The following SETD3 variants were observed in gnomAD, a reference collection of about 807,000 sequenced individuals.
SETD3 encodes the protein SET domain containing 3, actin N3(tau)-histidine methyltransferase.
SETD3 carries 19 observed loss-of-function variants against 63.0 expected under a neutral mutation model. That is an observed-to-expected ratio of 0.30 (90% CI 0.21 to 0.44). The LOEUF (loss-of-function observed/expected upper bound fraction) is 0.44. SETD3 is among the 20% of genes least tolerant of loss of function. SETD3 has a pLI of 1.00. For synonymous variants in SETD3, 286 were observed against 264.1 expected, an observed-to-expected ratio of 1.08 and a Z score of -0.80; for missense variants, 587 against 728.5, an observed-to-expected ratio of 0.81 and a Z score of 2.24.
intron 1 of SETD3, among the ~76,000 whole-genome samples, chr14:99,475,326 G>A (rs1483502589): frequency 6.6e-6 from 1 of 152,234 alleles, no homozygotes; most frequent in Non-Finnish European, 1.5e-5. Context: ...TACTTCACCT[G>A]ATCCAAGTCT....
chr14:99,407,470 C>T (rs1257004893), intron 8 of SETD3, among the ~76,000 whole-genome samples: 1 of 152,238 alleles, frequency 6.6e-6, no homozygotes, highest in African/African-American at 2.4e-5. Context: ...ACTCTTGGAA[C>T]CTAGTCTCAA....
Position 99,445,501 on chromosome 14 carries a change from C to T in SETD3, c.675+12778G>A, listed in dbSNP as rs146301490. The stretch of plus-strand genomic sequence containing the variant: ...GATGTCCTGGAGGGTCCTCTAACCC[C>T]TTCCTCCTTTTTGTGCTTTTATCAC... On this transcript the variant is annotated intron_variant, in intron 6 of 12. Coordinates refer to ENST00000331768, the MANE Select transcript of SETD3 (RefSeq NM_032233.3). Among the ~76,000 whole-genome samples, 3 of 152,220 alleles carry T rather than the reference C, an allele frequency of 2.0e-5. No homozygotes were observed. In the East Asian group the frequency reaches 5.8e-4, roughly 29 times the overall value.
intron 6 of SETD3, among the ~76,000 whole-genome samples, chr14:99,431,125 T>G (rs1482488859): frequency 6.6e-6 from 1 of 152,258 alleles, no homozygotes; most frequent in African/African-American, 2.4e-5. Flanking sequence ...CCTCTTCACC[T>G]AACCACCTCA....
chr14:99,459,844 T>A (rs902479358), intron 4 of SETD3, among the ~76,000 whole-genome samples: 7 of 152,216 alleles, frequency 4.6e-5, no homozygotes, highest in African/African-American at 1.7e-4. Flanking sequence ...AGGGCAGCTG[T>A]CTGCAAACCA....
intron 1 of SETD3, among the ~76,000 whole-genome samples, chr14:99,474,851 T>A (rs8010859): frequency 0.97 from 148,253 of 152,252 alleles, 72,284 homozygotes; most frequent in East Asian, 1. Context: ...AATAAATAAA[T>A]AAGCACAGTT....
At chr14:99,425,583 G>A (rs1482161026) in intron 6 of SETD3, among the ~76,000 whole-genome samples, 1 of 152,236 alleles carries the variant, frequency 6.6e-6, no homozygotes, top group Non-Finnish European at 1.5e-5. Flanking sequence ...TGCCATAATC[G>A]CTTTGTACAC....
chr14:99,427,944 T>C lies in SETD3; in HGVS notation c.676-14010A>G, dbSNP rs927275916. On this transcript the variant is annotated intron_variant, in intron 6 of 12. Transcript: ENST00000331768. Reference sequence around the variant, plus strand: ...CTAAAGATGGGCAGGATTTTCCATGTGGGAAGGGAGACATCCCAGACAGAG... The same window carrying C: ...CTAAAGATGGGCAGGATTTTCCATGCGGGAAGGGAGACATCCCAGACAGAG... 2.6e-5 allele frequency among the ~76,000 whole-genome samples: 4 copies of C among 152,072 alleles called. No individual in the cohort carries two copies. The East Asian group carries it at 7.7e-4, about 29-fold the overall frequency.
intron 8 of SETD3, among the ~76,000 whole-genome samples, chr14:99,408,998 C>T (rs999926864): frequency 1.8e-4 from 27 of 152,186 alleles, no homozygotes; most frequent in African/African-American, 3.9e-4. Flanking sequence ...TTACCACCTA[C>T]GCCCAGAAAT....
At chr14:99,446,166 G>T (rs1359360262) in intron 6 of SETD3, among the ~76,000 whole-genome samples, 2 of 152,158 alleles carry the variant, frequency 1.3e-5, no homozygotes, top group Non-Finnish European at 2.9e-5. Flanking sequence ...AATGGGGACG[G>T]TGCCCAGCTC....
chr14:99,438,030 A>T (rs998682529), intron 6 of SETD3, among the ~76,000 whole-genome samples: 1 of 152,240 alleles, frequency 6.6e-6, no homozygotes, highest in Admixed American at 6.5e-5. Context: ...AGCCGATGGC[A>T]GCATTTCTGT....
chr14:99,423,957 CTCTT>C (rs1385488236), intron 6 of SETD3, among the ~76,000 whole-genome samples: 4 of 151,452 alleles, frequency 2.6e-5, no homozygotes, highest in Non-Finnish European at 4.4e-5. Flanking sequence ...GGATTTCACT[CTCTT>C]TTTTTTTTTT....
chr14:99,481,735 T>C, upstream of SETD3: 1 of 368,300 alleles, frequency 2.7e-6, no homozygotes, highest in Non-Finnish European at 4.8e-6. Flanking sequence ...GCCCTCGCAC[T>C]GGGGGGCAGT....
rs749466269 is a variant in SETD3, at chr14:99,461,300, A to G, written c.237T>C (p.Phe79=). The change falls in exon 4 of 13, where the codon TTT becomes TTC. Residue 79 remains phenylalanine (F), a synonymous_variant. Coordinates refer to ENST00000331768, the MANE Select transcript of SETD3 (RefSeq NM_032233.3). ...VTFDGKREDY[F]PDLMKWASEN... is the part of the protein sequence containing the mutation. ...CAGAGGCCCATTTCATTAGATCAGG[A>G]AAGTAATCTTCTCTTTTTCCATCAA... The G allele has an allele frequency of 1.6e-5, 26 of 1,614,188 alleles. No individual in the cohort carries two copies. In the East Asian group the frequency reaches 5.1e-4, roughly 32 times the overall value.
chr14:99,423,659 G>A (rs1361492414), intron 6 of SETD3, among the ~76,000 whole-genome samples: 1 of 134,482 alleles, frequency 7.4e-6, no homozygotes, highest in Non-Finnish European at 1.5e-5. Flanking sequence ...TTCTCCATTA[G>A]CATTAAGATA....
At chr14:99,428,645 A>G (rs957257154) in intron 6 of SETD3, among the ~76,000 whole-genome samples, 1 of 152,190 alleles carries the variant, frequency 6.6e-6, no homozygotes, top group African/African-American at 2.4e-5. Flanking sequence ...TCCCCGTCTC[A>G]AGAAAAAAGA....
At chr14:99,449,742 C>T (rs148844087) in intron 6 of SETD3, among the ~76,000 whole-genome samples, 52 of 152,322 alleles carry the variant, frequency 3.4e-4, no homozygotes, top group Non-Finnish European at 6.3e-4. Flanking sequence ...TTAATAGTAT[C>T]GTACCACGGT....
At chr14:99,474,758 A>T (rs1895883112) in intron 1 of SETD3, among the ~76,000 whole-genome samples, 1 of 152,210 alleles carries the variant, frequency 6.6e-6, no homozygotes, top group African/African-American at 2.4e-5. Context: ...TGAATCCAGG[A>T]GGCAAAGGTT....
At position 99,463,474 on chromosome 14, in the gene SETD3, T is replaced by C. The variant is rs1250857632; in HGVS notation, c.196+12A>G. The C allele has an allele frequency of 3.7e-6, 6 of 1,600,546 alleles. No homozygotes were observed. Among genetic ancestry groups the C allele is most frequent in the Non-Finnish European group, 5.1e-6 (6 of 1,168,912 alleles). ...CATTATTAAAATACAGTTATCATTC[T>C]AGCAATTTTACCTTTTTGCTTTTTC... On this transcript the variant is annotated intron_variant, in intron 3 of 12. Transcript: ENST00000331768.
intron 6 of SETD3, chr14:99,444,288 C>G (rs1480214737): frequency 2.0e-5 from 3 of 152,196 alleles, no homozygotes; most frequent in Admixed American, 6.5e-5. Context: ...CACAAACTTA[C>G]AGCTAAAATG....
Sources: allele counts gnomAD v4.1 joint callset (sites outside exome capture counted in the v4.1 genomes callset), GRCh38; gene constraint gnomAD v4.1.1; transcripts MANE v1.5; gene names NCBI Gene and HGNC (gene_info 2026-07-23, HGNC 2026-07-21).